Variants in GPC5 observed in about 807,000 individuals in gnomAD.
GPC5 encodes the protein glypican 5.
A neutral mutation model predicts 53.9 loss-of-function variants in GPC5; 47 were observed. The observed-to-expected ratio is 0.87, with a 90% CI of 0.69 to 1.11. The LOEUF (loss-of-function observed/expected upper bound fraction) is 1.11, where lower values mean the gene tolerates loss of function less well. Among genes scored for constraint, GPC5 ranks in the 50% most tolerant of loss-of-function variants. The probability of loss-of-function intolerance (pLI) is 0.00; values close to 1 mark genes in which losing one functional copy is unlikely to be tolerated. For synonymous variants in GPC5, 286 were observed against 263.3 expected, an observed-to-expected ratio of 1.09 and a Z score of -0.84; for missense variants, 748 against 713.1, an observed-to-expected ratio of 1.05 and a Z score of -0.56.
At chr13:92,101,675 A>G (rs902246773) in intron 6 of GPC5, among the ~76,000 whole-genome samples, 2 of 152,214 alleles carry the variant, frequency 1.3e-5, no homozygotes, top group Non-Finnish European at 2.9e-5. Flanking sequence ...TGTAGCAAGA[A>G]TATGCAAAAT....
intron 7 of GPC5, among the ~76,000 whole-genome samples, chr13:92,174,655 A>C (rs2042096821): frequency 6.6e-6 from 1 of 152,248 alleles, no homozygotes; most frequent in Non-Finnish European, 1.5e-5. Context: ...AGCAAAAAGT[A>C]TTAATCACTT....
chr13:92,218,095 TA>T (rs917088357), intron 7 of GPC5, among the ~76,000 whole-genome samples: 14 of 151,256 alleles, frequency 9.3e-5, no homozygotes, highest in Admixed American at 1.3e-4. Flanking sequence ...GACTAATTTT[TA>T]AAAAAAAATT....
intron 5 of GPC5, among the ~76,000 whole-genome samples, chr13:91,787,065 T>C (rs1481198475): frequency 6.6e-6 from 1 of 152,118 alleles, no homozygotes; most frequent in African/African-American, 2.4e-5. Flanking sequence ...ACAAAATTGC[T>C]AAAGTTTCTA....
rs542792088 is a variant in GPC5 at position 92,782,547 on chromosome 13, TATC to T, written c.1562-83732_1562-83730del. Among the ~76,000 whole-genome samples the T allele has an allele frequency of 1.4e-4, 22 of 152,236 alleles. No homozygotes were observed. In the South Asian group the frequency reaches 4.4e-3, roughly 30 times the overall value. ...AAGCCTTTCTGACTGTAAGGGAAAA[TATC>T]ATTGTGAGCGGAGCAGAGAAGAATG... is the stretch of plus-strand genomic sequence containing the variant. On this transcript the variant is annotated intron_variant, in intron 7 of 7. Coordinates refer to ENST00000377067, the MANE Select transcript of GPC5 (RefSeq NM_004466.6).
intron 7 of GPC5, among the ~76,000 whole-genome samples, chr13:92,574,741 C>T (rs1440482148): frequency 6.6e-6 from 1 of 152,134 alleles, no homozygotes. Flanking sequence ...TTGAGGTGAG[C>T]AGGAGAGCAG....
intron 2 of GPC5, among the ~76,000 whole-genome samples, chr13:91,564,384 A>G (rs2031430255): frequency 6.6e-6 from 1 of 152,182 alleles, no homozygotes; most frequent in Non-Finnish European, 1.5e-5. Context: ...ACTTGGCAAG[A>G]TCTGGGTACA....
intron 7 of GPC5, among the ~76,000 whole-genome samples, chr13:92,184,970 A>T (rs1371812312): frequency 6.6e-6 from 1 of 152,220 alleles, no homozygotes; most frequent in Non-Finnish European, 1.5e-5. Context: ...AAAGGTAAAA[A>T]CAACAGGATT....
At chr13:92,079,724 A>ATTTAT (rs2041280513) in intron 6 of GPC5, among the ~76,000 whole-genome samples, 1 of 152,206 alleles carries the variant, frequency 6.6e-6, no homozygotes, top group South Asian at 2.1e-4. Context: ...ACCGCAGTGT[A>ATTTAT]TAACATTTAA....
chr13:92,528,744 C>A (rs1247026690), intron 7 of GPC5, among the ~76,000 whole-genome samples: 1 of 151,830 alleles, frequency 6.6e-6, no homozygotes, highest in East Asian at 1.9e-4. Context: ...GTTCTTTAAG[C>A]AGAAGCAGTT....
At chr13:92,141,914 A>T (rs777034900) in intron 6 of GPC5, among the ~76,000 whole-genome samples, 2 of 152,130 alleles carry the variant, frequency 1.3e-5, no homozygotes, top group Non-Finnish European at 2.9e-5. Context: ...TCCTTGCCAT[A>T]GGACCTTTGA....
intron 7 of GPC5, among the ~76,000 whole-genome samples, chr13:92,272,276 A>C (rs2042845131): frequency 6.6e-6 from 1 of 152,186 alleles, no homozygotes; most frequent in African/African-American, 2.4e-5. Context: ...GTAGAAACAC[A>C]GGAAAGAAGG....
chr13:92,490,358 A>C (rs1488121887), intron 7 of GPC5: 1 of 152,536 alleles, frequency 6.6e-6, no homozygotes, highest in Non-Finnish European at 1.5e-5. Flanking sequence ...TAAAATCTTA[A>C]TGTTTTCCAA....
chr13:92,442,255 A>G (rs1229059759), intron 7 of GPC5, among the ~76,000 whole-genome samples: 1 of 152,184 alleles, frequency 6.6e-6, no homozygotes, highest in Non-Finnish European at 1.5e-5. Context: ...TTATGAGATA[A>G]TATCCAACTC....
chr13:92,481,145 T>G (rs899494841), intron 7 of GPC5, among the ~76,000 whole-genome samples: 2 of 152,010 alleles, frequency 1.3e-5, no homozygotes, highest in African/African-American at 2.4e-5. Flanking sequence ...CTGTTGCCCA[T>G]GCTGGAGTGC....
intron 2 of GPC5, among the ~76,000 whole-genome samples, chr13:91,471,007 G>A (rs1882584446): frequency 1.3e-5 from 2 of 151,966 alleles, no homozygotes; most frequent in Admixed American, 6.6e-5. Context: ...TGCTGATTAC[G>A]AAGACCTTAT....
chr13:91,667,093 G>C (rs1212937618), intron 2 of GPC5, among the ~76,000 whole-genome samples: 1 of 152,128 alleles, frequency 6.6e-6, no homozygotes, highest in Non-Finnish European at 1.5e-5. Flanking sequence ...TGCTGACTTA[G>C]AGTTTTGATA....
In GPC5 at chr13:92,488,299, G is replaced by A. The variant is rs548566853; in HGVS notation, c.1561+343310G>A. Among the ~76,000 whole-genome samples the A allele has an allele frequency of 1.1e-4, 16 of 152,140 alleles. No individual in the cohort carries two copies. The South Asian group carries it at 2.1e-3, about 20-fold the overall frequency. On this transcript the variant is annotated intron_variant, in intron 7 of 7. Coordinates refer to ENST00000377067, the MANE Select transcript of GPC5 (RefSeq NM_004466.6). ...ATTTAAATCAAAGCATAATATTATC[G>A]AAAGATTTAAATTTATGCATCACTT...
intron 7 of GPC5, among the ~76,000 whole-genome samples, chr13:92,636,612 G>A (rs1885411433): frequency 7.0e-6 from 1 of 143,810 alleles, no homozygotes; most frequent in South Asian, 2.4e-4. Flanking sequence ...ATGTACTGGG[G>A]GCTTTATTTA....
intron 7 of GPC5, among the ~76,000 whole-genome samples, chr13:92,767,602 A>T (rs1389581033): frequency 6.6e-6 from 1 of 152,148 alleles, no homozygotes. Flanking sequence ...CAATCCTTGT[A>T]TTTCTCTTCA....
Sources: gnomAD v4.1 joint callset for allele counts (sites outside exome capture counted in the v4.1 genomes callset) on GRCh38, gnomAD v4.1.1 for gene constraint, MANE v1.5 for transcripts, NCBI Gene and HGNC (gene_info 2026-07-23, HGNC 2026-07-21) for gene names.